The following ZNF331 variants were observed in gnomAD, a reference collection of about 807,000 sequenced individuals.
ZNF331 encodes zinc finger protein 331, also known as C2H2-like zinc finger protein rearranged in thyroid adenomas.
A neutral mutation model predicts 7.0 loss-of-function variants in ZNF331; 2 were observed. The ratio of observed to expected loss-of-function variants is 0.29; its 90% CI spans 0.12 to 0.90. The LOEUF (loss-of-function observed/expected upper bound fraction) is 0.90, where lower values mean the gene tolerates loss of function less well. ZNF331 is among the 40% of genes least tolerant of loss of function. The pLI is 0.58. For synonymous variants in ZNF331, 196 were observed against 205.4 expected (o/e 0.95, Z 0.39); for missense variants, 432 against 587.7 (o/e 0.74, Z 2.74).
In ZNF331 at chr19:53,569,329, T is replaced by G. The variant is rs954314505; in HGVS notation, c.-48T>G. 2.5e-6 allele frequency: 4 copies of G among 1,611,256 alleles called. No individual in the cohort carries two copies. Among genetic ancestry groups the G allele is most frequent in the Non-Finnish European group, 3.4e-6 (4 of 1,178,244 alleles). On this transcript the variant is annotated 5_prime_UTR_variant, in exon 4 of 6. Coordinates refer to ENST00000449416, the MANE Select transcript of ZNF331 (RefSeq NM_001079906.2). ...CTCTAGCCTCTCGGAATTTGTCTTC[T>G]TCAGTGGAAACCCCGAGAAGACTGA...
intron 2 of ZNF331, among the ~76,000 whole-genome samples, chr19:53,540,972 T>C (rs2088121866): frequency 6.6e-6 from 1 of 152,236 alleles, no homozygotes; most frequent in Non-Finnish European, 1.5e-5. Context: ...TATTTTAGTG[T>C]CAGCCCATTA....
chr19:53,506,330 G>A, the ZNF331 span, among the ~76,000 whole-genome samples: 875 of 62,664 alleles, frequency 0.014, 17 homozygotes, highest in Non-Finnish European at 0.017. Context: ...GCGAGACTCC[G>A]TCTCAAAAAA....
At chr19:53,555,608 C>T (rs1238483362) in intron 2 of ZNF331, 1 of 152,270 alleles carries the variant, frequency 6.6e-6, no homozygotes, top group Non-Finnish European at 1.5e-5. Context: ...TAGAAGTGCT[C>T]TCCACTCAGG....
At chr19:53,569,898 T>C (rs532752957) in intron 4 of ZNF331, among the ~76,000 whole-genome samples, 4 of 152,250 alleles carry the variant, frequency 2.6e-5, no homozygotes, top group African/African-American at 9.6e-5. Context: ...ATAAATTTTA[T>C]TATTGAATGG....
chr19:53,564,070 CA>C (rs202220141), intron 3 of ZNF331, among the ~76,000 whole-genome samples: 2 of 103,484 alleles, frequency 1.9e-5, no homozygotes, highest in African/African-American at 7.7e-5. Context: ...ACAGAGCCTG[CA>C]TTCTTTTTTT....
chr19:53,529,794 T>C (rs538435593), intron 2 of ZNF331, among the ~76,000 whole-genome samples: 1 of 152,316 alleles, frequency 6.6e-6, no homozygotes, highest in Admixed American at 6.5e-5. Context: ...GCTACCTGTA[T>C]GTTGTCTATA....
intron 2 of ZNF331, chr19:53,555,232 C>T (rs1478164825): frequency 1.6e-5 from 2 of 126,466 alleles, no homozygotes; most frequent in African/African-American, 5.2e-5. Context: ...CTTCTGTGTG[C>T]TGGGATGGGT....
chr19:53,525,373 G>A (rs1343938903), intron 2 of ZNF331, among the ~76,000 whole-genome samples: 4 of 152,266 alleles, frequency 2.6e-5, no homozygotes, highest in South Asian at 2.1e-4. Flanking sequence ...CCATTTTCAC[G>A]ATATTGATTC....
At chr19:53,567,305 G>T (rs1416280160) in intron 3 of ZNF331, among the ~76,000 whole-genome samples, 3 of 152,012 alleles carry the variant, frequency 2.0e-5, no homozygotes, top group Non-Finnish European at 4.4e-5. Context: ...CAATCTAGAG[G>T]CCAGAAGAGG....
chr19:53,527,163 C>T lies in ZNF331; in HGVS notation c.-205+4479C>T, dbSNP rs1326925159. Among the ~76,000 whole-genome samples, 4 of 151,616 alleles carry T rather than the reference C, an allele frequency of 2.6e-5. No individual in the cohort carries two copies. The South Asian group carries it at 6.3e-4, about 24-fold the overall frequency. On this transcript the variant is annotated intron_variant, in intron 2 of 6. Transcript: ENST00000253144. ...CCGAGATTGTGCCTGGGTGACAGAG[C>T]GAGACTCCATCTTAAAAAATAAAAA...
chr19:53,567,737 G>A (rs899404667), intron 3 of ZNF331, among the ~76,000 whole-genome samples: 5 of 151,992 alleles, frequency 3.3e-5, no homozygotes, highest in Non-Finnish European at 7.4e-5. Context: ...CACCTACTCG[G>A]GAGGCTGAGG....
At chr19:53,561,118 A>T (rs538077752) in intron 3 of ZNF331, among the ~76,000 whole-genome samples, 1 of 151,998 alleles carries the variant, frequency 6.6e-6, no homozygotes, top group East Asian at 1.9e-4. Flanking sequence ...GGTTCACACC[A>T]CTGTACTCCA....
At chr19:53,532,594 GA>G (rs1189770947) in intron 2 of ZNF331, among the ~76,000 whole-genome samples, 1 of 152,116 alleles carries the variant, frequency 6.6e-6, no homozygotes, top group African/African-American at 2.4e-5. Flanking sequence ...AAGAGTTTCA[GA>G]AGAATATTTT....
chr19:53,507,398 C>T, the ZNF331 span, among the ~76,000 whole-genome samples: 2 of 152,128 alleles, frequency 1.3e-5, no homozygotes, highest in Non-Finnish European at 2.9e-5. Flanking sequence ...ACAAAACCCC[C>T]CGAAAGCCTT....
In ZNF331 at chr19:53,539,517, CTG is replaced by C. The variant is rs1259267390; in HGVS notation, c.-138+237_-138+238del. ...GCTGTTTTGTGCTAAGTCTGGATGT[CTG>C]TACATCAGGAGCAACGTACATATGA... is the stretch of plus-strand genomic sequence containing the variant. On this transcript the variant is annotated intron_variant, in intron 2 of 5. Coordinates refer to ENST00000449416, the MANE Select transcript of ZNF331 (RefSeq NM_001079906.2). The surrounding 1 kb of genome is among the most constrained non-coding windows in gnomAD (Gnocchi z 6.1). 6.6e-6 allele frequency: 1 copy of C among 152,200 alleles called. No individual in the cohort carries two copies. Among genetic ancestry groups the C allele is most frequent in the Non-Finnish European group, 1.5e-5 (1 of 68,044 alleles). 9.4% of individuals were successfully genotyped at this position (152,200 alleles called of 1,614,324 possible). A position where few individuals can be genotyped will look rare whatever the true frequency, so the allele number is the denominator to read the frequency against.
chr19:53,542,146 T>A (rs1177996635), intron 2 of ZNF331, among the ~76,000 whole-genome samples: 1 of 152,228 alleles, frequency 6.6e-6, no homozygotes, highest in Non-Finnish European at 1.5e-5. Flanking sequence ...CAAATCTTAA[T>A]TTATAAAAGG....
rs2087958409 is a variant in ZNF331 at position 53,539,219 on chromosome 19, A to AGC, written c.-200_-199dup. 1 of 152,166 alleles carries AGC rather than the reference A, an allele frequency of 6.6e-6. No individual in the cohort carries two copies. Among genetic ancestry groups the AGC allele is most frequent in the Non-Finnish European group, 1.5e-5 (1 of 68,026 alleles). 9.4% of individuals were successfully genotyped at this position (152,166 alleles called of 1,614,324 possible). On this transcript the variant is annotated 5_prime_UTR_variant, in exon 2 of 6. Coordinates refer to ENST00000449416, the MANE Select transcript of ZNF331 (RefSeq NM_001079906.2). The surrounding 1 kb of genome is among the most constrained non-coding windows in gnomAD (Gnocchi z 6.1). The stretch of plus-strand genomic sequence containing the variant: ...CTTCCGGTTCTGTTTTCCCCAGGCC[A>AGC]GCATCCTTCAGAAAAAGCATCCCCG...
At chr19:53,556,111 T>C (rs10422998) in intron 3 of ZNF331, among the ~76,000 whole-genome samples, 138,284 of 151,154 alleles carry the variant, frequency 0.91, 63,340 homozygotes, top group Non-Finnish European at 0.93. Flanking sequence ...GGAGTGGTGG[T>C]GGGCGCCTGT....
intron 3 of ZNF331, among the ~76,000 whole-genome samples, chr19:53,561,422 A>G (rs1367638587): frequency 6.6e-6 from 1 of 150,778 alleles, no homozygotes; most frequent in African/African-American, 2.4e-5. Flanking sequence ...TCCACAGGTC[A>G]TTACTGTTTC....
Sources: gnomAD v4.1 joint callset for allele counts (sites outside exome capture counted in the v4.1 genomes callset) on GRCh38, gnomAD v4.1.1 for gene constraint, Gnocchi (gnomAD v3.1) non-coding constraint, MANE v1.5 for transcripts, NCBI Gene and HGNC (gene_info 2026-07-23, HGNC 2026-07-21) for gene names.